Variants in PIGN observed in about 807,000 individuals in gnomAD.
PIGN encodes GPI ethanolamine phosphate transferase 1.
Under a neutral mutation model 125.4 loss-of-function variants are expected in PIGN, and 117 were observed. The observed-to-expected ratio is 0.93, with a 90% CI of 0.80 to 1.09. The LOEUF (loss-of-function observed/expected upper bound fraction) is 1.09. PIGN is among the 50% of genes least tolerant of loss of function. The pLI is 0.00. For missense variants in PIGN, 1,075 were observed against 1,094.9 expected (o/e 0.98, Z 0.26); for synonymous variants, 392 against 377.8 (o/e 1.04, Z -0.44).
chr18:62,095,798 T>A, intron 23 of PIGN, 50 bp downstream of exon 23: 1 of 976,034 alleles, frequency 1.0e-6, no homozygotes, highest in Admixed American at 1.9e-5. Flanking sequence ...AATATCAATA[T>A]ATCATTTAAA....
Position 62,095,877 on chromosome 18 carries a change from C to T in PIGN, c.2151G>A (p.Leu717=), listed in dbSNP as rs547964289. The part of the protein sequence containing the change: ...FQRLFSILLS[L]MSTYLLLSTG... ...TGCTTAGAAGTAGGTAGGTTGACAT[C>T]AATGAAAGAAGTATGCTGAACAATC... The change falls in exon 23 of 31, where the codon TTG becomes TTA. Residue 717 remains leucine (L), a synonymous_variant. Transcript: ENST00000640252. The T allele has an allele frequency of 1.2e-6, 2 of 1,611,908 alleles. No individual in the cohort carries two copies. Among genetic ancestry groups the T allele is most frequent in the South Asian group, 1.1e-5 (1 of 90,986 alleles).
intron 3 of PIGN, 29 bp from the exon 4 acceptor site, chr18:62,161,414 G>T: frequency 1.8e-6 from 2 of 1,106,128 alleles, no homozygotes; most frequent in Non-Finnish European, 2.7e-6. Context: ...TTAAATTGGG[G>T]TAAATCTTAA....
At chr18:62,120,127 G>A (rs879538903) in intron 14 of PIGN, among the ~76,000 whole-genome samples, 1 of 151,940 alleles carries the variant, frequency 6.6e-6, no homozygotes, top group Non-Finnish European at 1.5e-5. Flanking sequence ...AGCAAAATAA[G>A]TACAAAGAAA....
intron 30 of PIGN, among the ~76,000 whole-genome samples, chr18:62,050,025 T>C (rs1000779001): frequency 6.6e-6 from 1 of 152,016 alleles, no homozygotes; most frequent in Non-Finnish European, 1.5e-5. Context: ...TGTGGTGTTA[T>C]TTCTGAGGGC....
In PIGN at chr18:62,094,718, G is replaced by A. The variant is rs549376076; in HGVS notation, c.2180+1130C>T. On this transcript the variant is annotated intron_variant, in intron 23 of 30. Transcript: ENST00000640252. Reference sequence around the variant, plus strand: ...ATATTTCAAAGGTCTAAATCTCAAAGGAAGCCTATCTTATAATCTTATTAG... The same window carrying A: ...ATATTTCAAAGGTCTAAATCTCAAAAGAAGCCTATCTTATAATCTTATTAG... Among the ~76,000 whole-genome samples the A allele has an allele frequency of 2.0e-5, 3 of 152,208 alleles. No homozygotes were observed. The East Asian group carries it at 5.8e-4, about 29-fold the overall frequency.
intron 11 of PIGN, among the ~76,000 whole-genome samples, chr18:62,141,835 C>T (rs559936427): frequency 7.2e-5 from 11 of 152,306 alleles, no homozygotes; most frequent in Admixed American, 7.2e-4. Context: ...CACACCACCC[C>T]ATGGTTTCTA....
intron 14 of PIGN, among the ~76,000 whole-genome samples, chr18:62,116,235 T>C (rs536032842): frequency 6.6e-6 from 1 of 152,368 alleles, no homozygotes; most frequent in Admixed American, 6.5e-5. Context: ...CCAAAGTGCA[T>C]AGGCATTTTT....
chr18:62,166,998 C>T (rs2037159407), intron 1 of PIGN, among the ~76,000 whole-genome samples: 6 of 152,196 alleles, frequency 3.9e-5, no homozygotes, highest in African/African-American at 2.4e-5. Context: ...AGTAAACCAC[C>T]ATGGCACATG....
chr18:62,155,565 G>A (rs532848851), intron 6 of PIGN, among the ~76,000 whole-genome samples: 21 of 151,948 alleles, frequency 1.4e-4, no homozygotes, highest in African/African-American at 2.4e-4. Flanking sequence ...GCAAAACTCC[G>A]TCTCAAAAAA....
intron 27 of PIGN, 45 bp downstream of exon 27, chr18:62,084,486 A>T: frequency 1.7e-6 from 2 of 1,206,882 alleles, no homozygotes; most frequent in Non-Finnish European, 2.4e-6. Flanking sequence ...TTATAATCTT[A>T]ATCAATCAAT....
At chr18:62,034,505 G>A (rs1409205550) in intron 23 of PIGN, among the ~76,000 whole-genome samples, 2 of 152,344 alleles carry the variant, frequency 1.3e-5, no homozygotes, top group East Asian at 3.9e-4. Context: ...CAGGACTGGG[G>A]CTGTACCCTG....
chr18:62,077,534 C>T (rs2033238280), intron 28 of PIGN, among the ~76,000 whole-genome samples: 1 of 152,110 alleles, frequency 6.6e-6, no homozygotes, highest in Non-Finnish European at 1.5e-5. Context: ...TAAGACACAT[C>T]TGATTAAGTT....
In PIGN at chr18:62,082,701, G is replaced by A; in HGVS notation, c.2548C>T (p.Gln850Ter). Residue 850 changes from glutamine (Q) to a stop codon, truncating the protein, a stop_gained, in exon 28 of 31, where the codon CAG (glutamine) becomes TAG (stop). Transcript: ENST00000640252. LOFTEE classifies it high-confidence loss of function. ...TTTGACGATAACTGAGTAGTCAACT[G>A]AACTGCTTCAAAAGCACACATAACA... ...VLVMCAFEAVQLTTQLSSKSL... is the reference protein window; with the variant it reads ...VLVMCAFEAV 1 of 1,552,748 alleles carries A rather than the reference G, an allele frequency of 6.4e-7. No homozygotes were observed. The highest frequency in any genetic ancestry group is 8.7e-7 in the Non-Finnish European group (1 of 1,143,490).
chr18:62,101,277 A>C, intron 21 of PIGN, 94 bp from the exon 22 acceptor site: 1 of 715,458 alleles, frequency 1.4e-6, no homozygotes, highest in East Asian at 2.6e-5. Context: ...TGAGACATTA[A>C]AATGTGGAAA....
At chr18:62,122,797 C>T (rs2035357079) in intron 14 of PIGN, among the ~76,000 whole-genome samples, 1 of 152,096 alleles carries the variant, frequency 6.6e-6, no homozygotes, top group Admixed American at 6.6e-5. Context: ...AGTTTAGATT[C>T]CTTCCAGTTC....
chr18:62,140,987 T>C (rs1599615305), intron 11 of PIGN, among the ~76,000 whole-genome samples: 2 of 152,210 alleles, frequency 1.3e-5, no homozygotes, highest in South Asian at 4.1e-4. Context: ...TTAAGTTCAA[T>C]TTCTCGGAAG....
intron 7 of PIGN, 121 bp downstream of exon 7, chr18:62,154,424 A>G: frequency 1.6e-6 from 1 of 620,902 alleles, no homozygotes; most frequent in East Asian, 2.9e-5. Context: ...TAGAATTCAG[A>G]ACAGTGTGCT....
chr18:62,077,649 A>G lies in PIGN; in HGVS notation c.2577-2828T>C, dbSNP rs187874568. 7.2e-5 allele frequency among the ~76,000 whole-genome samples: 11 copies of G among 152,258 alleles called. No individual in the cohort carries two copies. The East Asian group carries it at 2.1e-3, about 29-fold the overall frequency. On this transcript the variant is annotated intron_variant, in intron 28 of 30. Coordinates refer to ENST00000640252, the MANE Select transcript of PIGN (RefSeq NM_176787.5). The stretch of plus-strand genomic sequence containing the variant: ...TTAAGTCAGGTAATATGTGGAAAGT[A>G]CCTAATACAGTGCCTGACATATGGT...
At chr18:62,166,572 T>C (rs1473235302) in intron 1 of PIGN, among the ~76,000 whole-genome samples, 1 of 152,180 alleles carries the variant, frequency 6.6e-6, no homozygotes, top group Non-Finnish European at 1.5e-5. Flanking sequence ...CCCAAAGGAT[T>C]ATAAATCATT....
Sources: allele counts gnomAD v4.1 joint callset (sites outside exome capture counted in the v4.1 genomes callset), GRCh38; gene constraint gnomAD v4.1.1; transcripts MANE v1.5; gene names NCBI Gene and HGNC (gene_info 2026-07-23, HGNC 2026-07-21).